The following ARHGEF3 variants were observed in gnomAD, a reference collection of about 807,000 sequenced individuals.
ARHGEF3 encodes 59.8 kDA protein.
In ARHGEF3, 28 loss-of-function variants were observed where a neutral mutation model predicts 63.2. That is an observed-to-expected ratio of 0.44 (90% CI 0.33 to 0.61). The LOEUF (loss-of-function observed/expected upper bound fraction) is 0.61. Ranked by LOEUF, ARHGEF3 falls within the 20% of genes least tolerant of loss-of-function variation. ARHGEF3 has a pLI of 0.03. For missense variants in ARHGEF3, 533 were observed against 659.3 expected (o/e 0.81, Z 2.10); for synonymous variants, 266 against 254.2 (o/e 1.05, Z -0.44).
chr3:56,967,519 A>G (rs1470786872), intron 2 of ARHGEF3, among the ~76,000 whole-genome samples: 1 of 88,168 alleles, frequency 1.1e-5, no homozygotes, highest in Middle Eastern at 0.013. Context: ...ATAATATAAT[A>G]TATTATATGT....
intron 1 of ARHGEF3, among the ~76,000 whole-genome samples, chr3:57,069,870 C>A (rs910679188): frequency 1.3e-4 from 20 of 152,342 alleles, no homozygotes; most frequent in African/African-American, 4.8e-4. Context: ...GTCTCAAACT[C>A]CTAGCCTGAG....
At chr3:56,745,536 T>C (rs1323857133) in intron 6 of ARHGEF3, 74 bp from the exon 7 acceptor site, 3 of 1,544,948 alleles carry the variant, frequency 1.9e-6, no homozygotes, top group African/African-American at 2.7e-5. Flanking sequence ...GCATCATTTA[T>C]TGGGACTGAA....
At chr3:56,819,784 G>C (rs544418064) in intron 4 of ARHGEF3, among the ~76,000 whole-genome samples, 3 of 151,648 alleles carry the variant, frequency 2.0e-5, no homozygotes, top group Admixed American at 1.3e-4. Context: ...GCCTCCCAGA[G>C]TGCTGGGATT....
intron 1 of ARHGEF3, among the ~76,000 whole-genome samples, chr3:57,070,082 C>T (rs540615296): frequency 1.3e-5 from 2 of 152,296 alleles, no homozygotes; most frequent in African/African-American, 4.8e-5. Context: ...AAATTGTACC[C>T]CTTTGCCCAA....
At chr3:56,866,598 T>C (rs2040255299) in intron 4 of ARHGEF3, among the ~76,000 whole-genome samples, 1 of 152,236 alleles carries the variant, frequency 6.6e-6, no homozygotes, top group Non-Finnish European at 1.5e-5. Context: ...CATATTTCAA[T>C]GTAACAGCTA....
intron 4 of ARHGEF3, among the ~76,000 whole-genome samples, chr3:56,865,355 G>A (rs145639154): frequency 6.6e-6 from 1 of 152,284 alleles, no homozygotes; most frequent in Admixed American, 6.5e-5. Context: ...GCAAAACACA[G>A]CAAGTTGTCA....
intron 6 of ARHGEF3, among the ~76,000 whole-genome samples, chr3:56,749,688 C>T (rs1438762521): frequency 6.6e-6 from 1 of 152,112 alleles, no homozygotes; most frequent in Non-Finnish European, 1.5e-5. Context: ...AAATGAAAGT[C>T]AAAAATATAA....
chr3:56,967,701 CATT>C (rs200054930), intron 2 of ARHGEF3, among the ~76,000 whole-genome samples: 10,774 of 79,630 alleles, frequency 0.14, 740 homozygotes, highest in East Asian at 0.27. Flanking sequence ...ACATAATAAA[CATT>C]ATATTATATA....
intron 2 of ARHGEF3, among the ~76,000 whole-genome samples, chr3:56,987,327 T>A (rs1046925534): frequency 6.6e-6 from 1 of 152,240 alleles, no homozygotes; most frequent in Admixed American, 6.5e-5. Flanking sequence ...GGCATAATCA[T>A]GTGCCGGCCA....
At chr3:56,886,829 A>G (rs1016511602) in intron 3 of ARHGEF3, among the ~76,000 whole-genome samples, 3 of 152,110 alleles carry the variant, frequency 2.0e-5, no homozygotes, top group Admixed American at 2.0e-4. Flanking sequence ...AGGGGCAGGA[A>G]TTTGTCCAGG....
intron 1 of ARHGEF3, chr3:57,074,184 A>T: frequency 6.2e-7 from 1 of 1,614,170 alleles, no homozygotes; most frequent in Non-Finnish European, 8.5e-7. Flanking sequence ...CAGCCGTTCA[A>T]ACCAACTGAC....
chr3:56,830,704 C>T (rs939560090), intron 4 of ARHGEF3, among the ~76,000 whole-genome samples: 4 of 152,150 alleles, frequency 2.6e-5, no homozygotes, highest in African/African-American at 4.8e-5. Context: ...CTTCTCTCCT[C>T]GTCACCCATG....
At chr3:56,853,405 CG>C (rs1198930203) in intron 4 of ARHGEF3, among the ~76,000 whole-genome samples, 8 of 152,178 alleles carry the variant, frequency 5.3e-5, no homozygotes, top group African/African-American at 1.9e-4. Flanking sequence ...GGCACCATCT[CG>C]GCTCACTGCA....
intron 2 of ARHGEF3, among the ~76,000 whole-genome samples, chr3:56,979,122 C>T (rs2106891307): frequency 6.6e-6 from 1 of 152,328 alleles, no homozygotes; most frequent in Non-Finnish European, 1.5e-5. Context: ...CCATTGTACT[C>T]CAGCCTGGGC....
At chr3:56,943,298 T>G (rs368719450) in intron 3 of ARHGEF3, among the ~76,000 whole-genome samples, 1 of 152,222 alleles carries the variant, frequency 6.6e-6, no homozygotes, top group African/African-American at 2.4e-5. Context: ...TTGACCATTC[T>G]GAAAATCCCA....
chr3:57,051,174 T>G (rs752936862), intron 1 of ARHGEF3, among the ~76,000 whole-genome samples: 7 of 152,202 alleles, frequency 4.6e-5, no homozygotes, highest in Non-Finnish European at 1.0e-4. Context: ...CTATGAGTAA[T>G]CTCCTACTAA....
At chr3:56,985,097 G>C (rs1234800876) in intron 2 of ARHGEF3, among the ~76,000 whole-genome samples, 1 of 146,418 alleles carries the variant, frequency 6.8e-6, no homozygotes, top group African/African-American at 2.5e-5. Context: ...GATTTGATTT[G>C]ATTTTTTTGA....
chr3:56,987,321 T>C (rs1181064275), intron 2 of ARHGEF3, among the ~76,000 whole-genome samples: 1 of 152,224 alleles, frequency 6.6e-6, no homozygotes, highest in African/African-American at 2.4e-5. Flanking sequence ...ATCTGGGGCA[T>C]AATCATGTGC....
At chr3:56,747,062 C>CAGAG (rs1247337100) in intron 6 of ARHGEF3, among the ~76,000 whole-genome samples, 24 of 125,980 alleles carry the variant, frequency 1.9e-4, no homozygotes, top group Admixed American at 3.4e-4. Flanking sequence ...CGCACACACA[C>CAGAG]ACAGAGAGAG....
Sources: allele counts gnomAD v4.1 joint callset (sites outside exome capture counted in the v4.1 genomes callset), GRCh38; gene constraint gnomAD v4.1.1; transcripts MANE v1.5; gene names NCBI Gene and HGNC (gene_info 2026-07-23, HGNC 2026-07-21).